Variants in ACO2 observed in about 807,000 individuals in gnomAD.
ACO2 encodes aconitate hydratase, mitochondrial.
ACO2 carries 31 observed loss-of-function variants against 84.5 expected under a neutral mutation model. The observed-to-expected ratio is 0.37, with a 90% confidence interval of 0.28 to 0.50. The LOEUF is 0.50. Among genes scored for constraint, ACO2 ranks in the 20% least tolerant of loss-of-function variants. The probability of loss-of-function intolerance (pLI) is 0.97; values close to 1 mark genes in which losing one functional copy is unlikely to be tolerated. For missense variants in ACO2, 685 were observed against 1,029.3 expected, an observed-to-expected ratio of 0.67 and a Z score of 4.58; for synonymous variants, 414 against 412.7, an observed-to-expected ratio of 1.00 and a Z score of -0.04.
rs778724079 is a variant in ACO2, at chr22:41,528,028, G to C, written c.2208+6G>C. On this transcript the variant is annotated splice_donor_region_variant and intron_variant, in intron 17 of 17. Transcript: ENST00000216254. ...AGGACTTCACCCCTGGCAAGGTTAG[G>C]GGCCCGGGTCCCCCTGAGGTGGTGG... 5 of 1,614,086 alleles carry C rather than the reference G, an allele frequency of 3.1e-6. No individual in the cohort carries two copies. Among genetic ancestry groups the C allele is most frequent in the Non-Finnish European group, 4.2e-6 (5 of 1,180,016 alleles).
chr22:41,482,244 T>C (rs1203050702), intron 1 of ACO2, among the ~76,000 whole-genome samples: 1 of 152,224 alleles, frequency 6.6e-6, no homozygotes, highest in South Asian at 2.1e-4. Context: ...GGGTCAGCAG[T>C]TGGGACCAAC....
intron 1 of ACO2, among the ~76,000 whole-genome samples, chr22:41,498,440 C>G (rs2066330743): frequency 6.6e-6 from 1 of 152,250 alleles, no homozygotes; most frequent in Admixed American, 6.5e-5. Flanking sequence ...TTTTGTGGGC[C>G]AGGAATTTGG....
At chr22:41,506,159 C>A (rs949610047) in intron 2 of ACO2, among the ~76,000 whole-genome samples, 1 of 151,956 alleles carries the variant, frequency 6.6e-6, no homozygotes, top group Non-Finnish European at 1.5e-5. Context: ...GTGATCAGGG[C>A]TCACTGCAGC....
chr22:41,479,037 A>G (rs2038055779), intron 1 of ACO2, among the ~76,000 whole-genome samples: 1 of 152,254 alleles, frequency 6.6e-6, no homozygotes, highest in African/African-American at 2.4e-5. Context: ...TCACTGTGTC[A>G]TGAGTGTGTT....
At position 41,515,589 on chromosome 22, in the gene ACO2, G is replaced by A. The variant is rs1030003698; in HGVS notation, c.684+54G>A. Reference sequence around the variant, plus strand: ...CTGGCTGTGGGGTGGTGGTTGGTGGGGATGAACGGGAGACGGTGGGACCCA... The same window carrying A: ...CTGGCTGTGGGGTGGTGGTTGGTGGAGATGAACGGGAGACGGTGGGACCCA... On this transcript the variant is annotated intron_variant, in intron 5 of 17. Transcript: ENST00000216254. The surrounding 1 kb of genome is among the most constrained non-coding windows in gnomAD (Gnocchi z 5.8). 49 of 1,580,450 alleles carry A rather than the reference G, an allele frequency of 3.1e-5. No homozygotes were observed. Among genetic ancestry groups the A allele is most frequent in the Admixed American group, 1.7e-5 (1 of 57,174 alleles).
At chr22:41,491,719 A>G (rs2066273070) in intron 1 of ACO2, among the ~76,000 whole-genome samples, 1 of 152,230 alleles carries the variant, frequency 6.6e-6, no homozygotes, top group South Asian at 2.1e-4. Flanking sequence ...GAGTGCTTTT[A>G]TTATGAATAG....
intron 4 of ACO2, among the ~76,000 whole-genome samples, chr22:41,513,919 G>GATGTGGACCACAAGTGTCTACACC (rs2066456515): frequency 7.1e-6 from 1 of 140,504 alleles, no homozygotes; most frequent in Non-Finnish European, 1.7e-5. Flanking sequence ...TCTCCCCCTG[G>GATGTGGACCACAAGTGTCTACACC]ATGTGGACCA....
At chr22:41,470,528 CTTTTTTTTTTTTTTTTTTT>C (rs71184811) in intron 1 of ACO2, among the ~76,000 whole-genome samples, 9 of 95,854 alleles carry the variant, frequency 9.4e-5, no homozygotes, top group South Asian at 3.8e-4. Flanking sequence ...CTCTTTACAT[CTTTTTTTTTTTTTTTTTTT>C]TTTTTTTTTT....
chr22:41,490,215 C>T (rs1474415935), intron 1 of ACO2, among the ~76,000 whole-genome samples: 3 of 152,016 alleles, frequency 2.0e-5, no homozygotes, highest in Non-Finnish European at 4.4e-5. Context: ...CCCAGCTACT[C>T]AGTGGGGGGC....
rs576286134 is a variant in ACO2, at chr22:41,476,811, G to T, written c.36+7629G>T. On this transcript the variant is annotated intron_variant, in intron 1 of 17. Coordinates refer to ENST00000216254, the MANE Select transcript of ACO2 (RefSeq NM_001098.3). ...ATTTCTAAGATTGAGAGTAGGGACAGATTTTCCCCTTGTAGAATATCTTCA... is the reference window on the plus strand; with the variant it reads ...ATTTCTAAGATTGAGAGTAGGGACATATTTTCCCCTTGTAGAATATCTTCA... 2.6e-5 allele frequency among the ~76,000 whole-genome samples: 4 copies of T among 152,228 alleles called. No individual in the cohort carries two copies. In the East Asian group the frequency reaches 7.7e-4, roughly 29 times the overall value.
rs1802078112 is a variant in ACO2, at chr22:41,515,686, A to G, written c.685-81A>G. On this transcript the variant is annotated intron_variant, in intron 5 of 17. Coordinates refer to ENST00000216254, the MANE Select transcript of ACO2 (RefSeq NM_001098.3). The surrounding 1 kb of genome is among the most constrained non-coding windows in gnomAD (Gnocchi z 5.8). The stretch of plus-strand genomic sequence containing the variant: ...TAGAGACCAATAAGCAGCAATGTGA[A>G]TGGCAGCAGGGCCATCCTGACTTCG... The G allele has an allele frequency of 6.2e-7, 1 of 1,605,874 alleles. No homozygotes were observed. Among genetic ancestry groups the G allele is most frequent in the Non-Finnish European group, 8.5e-7 (1 of 1,175,234 alleles).
intron 1 of ACO2, among the ~76,000 whole-genome samples, chr22:41,499,461 C>A (rs370204099): frequency 1.3e-5 from 2 of 152,282 alleles, no homozygotes; most frequent in East Asian, 3.9e-4. Context: ...GCTTTTCTTA[C>A]ATTGATACAC....
At chr22:41,498,556 C>A (rs189514341) in intron 1 of ACO2, among the ~76,000 whole-genome samples, 2 of 152,216 alleles carry the variant, frequency 1.3e-5, no homozygotes, top group Admixed American at 6.5e-5. Context: ...CTGGAGCATT[C>A]GCTTGCAAGA....
intron 2 of ACO2, among the ~76,000 whole-genome samples, chr22:41,504,333 A>G (rs953600716): frequency 1.3e-5 from 2 of 152,228 alleles, no homozygotes; most frequent in Non-Finnish European, 1.5e-5. Context: ...AAGGGGTCTA[A>G]GTCTGTTCTT....
At chr22:41,518,247 C>T (rs1019810804) in intron 7 of ACO2, among the ~76,000 whole-genome samples, 2 of 152,146 alleles carry the variant, frequency 1.3e-5, no homozygotes, top group Admixed American at 6.5e-5. Flanking sequence ...AGGACACCCT[C>T]CCCGGCTCTG....
intron 1 of ACO2, among the ~76,000 whole-genome samples, chr22:41,498,574 C>T (rs926782183): frequency 2.0e-5 from 3 of 152,150 alleles, no homozygotes; most frequent in Non-Finnish European, 4.4e-5. Context: ...AGATGGCTCA[C>T]TCACACCTGG....
chr22:41,516,312 G>A (rs2066475777), intron 6 of ACO2, among the ~76,000 whole-genome samples: 1 of 152,210 alleles, frequency 6.6e-6, no homozygotes, highest in South Asian at 2.1e-4. Flanking sequence ...AGCAGCTGCA[G>A]GCCCACATCC....
intron 1 of ACO2, among the ~76,000 whole-genome samples, chr22:41,474,876 G>A (rs2146077357): frequency 6.6e-6 from 1 of 152,182 alleles, no homozygotes; most frequent in Admixed American, 6.5e-5. Flanking sequence ...TGGGATTACA[G>A]GCGTGAGCCA....
At position 41,507,895 on chromosome 22, in the gene ACO2, C is replaced by T. The variant is rs1382072104; in HGVS notation, c.278C>T (p.Pro93Leu). The change falls in exon 3 of 18, where the codon CCG (proline) becomes CTG (leucine). Residue 93 changes from proline to leucine, a missense_variant. This residue lies in a region of ACO2 where 92 missense variants were observed against 203.7 expected (regional missense o/e 0.45). Transcript: ENST00000216254. ...GGCAAGTCGTACCTGCGGCTGCGGCCGGACCGTGTGGCCATGCAGGATGCG... is the reference window on the plus strand; with the variant it reads ...GGCAAGTCGTACCTGCGGCTGCGGCTGGACCGTGTGGCCATGCAGGATGCG... ...ERGKSYLRLR[P>L]DRVAMQDATA... 4 of 1,614,218 alleles carry T rather than the reference C, an allele frequency of 2.5e-6. No homozygotes were observed. Among genetic ancestry groups the T allele is most frequent in the Non-Finnish European group, 3.4e-6 (4 of 1,180,040 alleles).
Sources: gnomAD v4.1 joint callset for allele counts (sites outside exome capture counted in the v4.1 genomes callset) on GRCh38, gnomAD v4.1.1 for gene constraint, gnomAD v4.1.1 regional missense constraint, Gnocchi (gnomAD v3.1) non-coding constraint, MANE v1.5 for transcripts, NCBI Gene and HGNC (gene_info 2026-07-23, HGNC 2026-07-21) for gene names.